Variants in NAALADL2 observed in about 807,000 individuals in gnomAD.
NAALADL2 encodes inactive N-acetylated-alpha-linked acidic dipeptidase-like protein 2.
NAALADL2 carries 76 observed loss-of-function variants against 87.2 expected under a neutral mutation model. The ratio of observed to expected loss-of-function variants is 0.87; its 90% CI spans 0.72 to 1.05. The LOEUF (loss-of-function observed/expected upper bound fraction) is 1.05, where lower values mean the gene tolerates loss of function less well. Among genes scored for constraint, NAALADL2 ranks in the 50% least tolerant of loss-of-function variants. The probability of loss-of-function intolerance (pLI) is 0.00; values close to 1 mark genes in which losing one functional copy is unlikely to be tolerated. For missense variants in NAALADL2, 1,089 were observed against 945.8 expected, an observed-to-expected ratio of 1.15 and a Z score of -1.99; for synonymous variants, 354 against 331.0, an observed-to-expected ratio of 1.07 and a Z score of -0.75.
intron 1 of NAALADL2, among the ~76,000 whole-genome samples, chr3:174,443,516 A>G (rs540012126): frequency 1.3e-5 from 2 of 152,320 alleles, no homozygotes; most frequent in African/African-American, 4.8e-5. Context: ...TAGGTGTTAG[A>G]TGGGTTTTAG....
chr3:175,384,550 A>G (rs893758629), intron 5 of NAALADL2, among the ~76,000 whole-genome samples: 6 of 152,008 alleles, frequency 3.9e-5, no homozygotes, highest in Non-Finnish European at 5.9e-5. Context: ...GTAGTCATAC[A>G]CTTTAGGCTT....
chr3:174,969,862 A>T (rs911279237), intron 1 of NAALADL2, among the ~76,000 whole-genome samples: 1 of 152,228 alleles, frequency 6.6e-6, no homozygotes, highest in African/African-American at 2.4e-5. Context: ...AGACCTAAAC[A>T]TAAAGCATTG....
chr3:175,409,489 A>G (rs1374536609), intron 5 of NAALADL2, among the ~76,000 whole-genome samples: 1 of 151,934 alleles, frequency 6.6e-6, no homozygotes. Context: ...AAAATTCTAT[A>G]TGTATGTTAA....
At chr3:174,523,385 A>G (rs1427018057) in intron 1 of NAALADL2, 1 of 152,190 alleles carries the variant, frequency 6.6e-6, no homozygotes, top group Non-Finnish European at 1.5e-5. Context: ...AAAGTTTTAT[A>G]TTCATAACTC....
intron 10 of NAALADL2, among the ~76,000 whole-genome samples, chr3:175,607,259 AAG>A (rs1346248440): frequency 1.4e-4 from 22 of 152,222 alleles, no homozygotes; most frequent in African/African-American, 5.1e-4. Flanking sequence ...TAAAGAGAAA[AAG>A]AAATTTATAA....
At chr3:174,765,367 A>G (rs1352638910) in intron 3 of NAALADL2, among the ~76,000 whole-genome samples, 2 of 152,198 alleles carry the variant, frequency 1.3e-5, no homozygotes, top group African/African-American at 4.8e-5. Context: ...ACCAGCATAG[A>G]GAGAAAATGT....
intron 9 of NAALADL2, among the ~76,000 whole-genome samples, chr3:175,565,623 C>T (rs954060601): frequency 1.3e-5 from 1 of 78,140 alleles, no homozygotes; most frequent in African/African-American, 4.4e-5. Flanking sequence ...CCTGTTTTTC[C>T]CTAATAAAGT....
At chr3:175,783,172 C>T (rs1398240268) in intron 13 of NAALADL2, among the ~76,000 whole-genome samples, 2 of 152,160 alleles carry the variant, frequency 1.3e-5, no homozygotes, top group East Asian at 3.9e-4. Flanking sequence ...TGACTTAGGA[C>T]TGACTTGGTG....
chr3:174,565,011 A>G lies in NAALADL2; in HGVS notation c.-115+14374A>G, dbSNP rs185192345. Among the ~76,000 whole-genome samples the G allele has an allele frequency of 2.0e-4, 30 of 152,056 alleles. 1 individual carries two copies. The highest frequency in any genetic ancestry group is 1.6e-3 in the Admixed American group (24 of 15,226). On this transcript the variant is annotated intron_variant, in intron 2 of 3. Coordinates refer to the NAALADL2 transcript ENST00000434257. ...TTATAGAGGGTATATGCAAATTCCA[A>G]TTTCTTCTGAATTTTCCAATTTTAC... is the stretch of plus-strand genomic sequence containing the variant.
At chr3:174,785,599 T>C (rs1716544514) in intron 3 of NAALADL2, among the ~76,000 whole-genome samples, 1 of 152,150 alleles carries the variant, frequency 6.6e-6, no homozygotes, top group Non-Finnish European at 1.5e-5. Flanking sequence ...AAATATTGCT[T>C]TGTCTATTTG....
intron 4 of NAALADL2, among the ~76,000 whole-genome samples, chr3:175,270,809 G>C (rs1398110903): frequency 6.6e-6 from 1 of 152,106 alleles, no homozygotes; most frequent in Non-Finnish European, 1.5e-5. Flanking sequence ...CTGGGCCTCT[G>C]TAAACCTCTT....
intron 2 of NAALADL2, among the ~76,000 whole-genome samples, chr3:175,115,921 C>T (rs546420542): frequency 5.9e-5 from 9 of 152,018 alleles, no homozygotes; most frequent in Admixed American, 3.3e-4. Flanking sequence ...GGATGCAAGG[C>T]TGGTTCAACA....
intron 1 of NAALADL2, among the ~76,000 whole-genome samples, chr3:174,473,170 C>T (rs1404403448): frequency 6.6e-6 from 1 of 152,152 alleles, no homozygotes; most frequent in Non-Finnish European, 1.5e-5. Context: ...ATACTTGTCT[C>T]AGTGAATGTT....
intron 1 of NAALADL2, among the ~76,000 whole-genome samples, chr3:175,046,330 T>G (rs960747559): frequency 6.6e-6 from 1 of 152,178 alleles, no homozygotes; most frequent in Non-Finnish European, 1.5e-5. Context: ...TTTGGGCAGC[T>G]ATTTTGACTA....
chr3:175,401,308 C>T (rs1159314676), intron 5 of NAALADL2, among the ~76,000 whole-genome samples: 1 of 152,028 alleles, frequency 6.6e-6, no homozygotes, highest in African/African-American at 2.4e-5. Flanking sequence ...CTGCCCTAGT[C>T]AGAGACATTT....
intron 1 of NAALADL2, among the ~76,000 whole-genome samples, chr3:174,920,634 T>C (rs1438876453): frequency 6.6e-6 from 1 of 152,222 alleles, no homozygotes; most frequent in African/African-American, 2.4e-5. Flanking sequence ...TTTGCTTTGC[T>C]ATCATTCCTA....
chr3:174,950,962 A>G (rs1740254858), intron 1 of NAALADL2, among the ~76,000 whole-genome samples: 1 of 151,992 alleles, frequency 6.6e-6, no homozygotes, highest in Non-Finnish European at 1.5e-5. Context: ...GTCTCTTTAG[A>G]TAAAGGATGG....
intron 2 of NAALADL2, among the ~76,000 whole-genome samples, chr3:174,624,965 C>T (rs13074404): frequency 2.0e-5 from 3 of 150,038 alleles, no homozygotes; most frequent in South Asian, 2.1e-4. Context: ...CTCTTGGTAG[C>T]GTTTTCATGC....
chr3:175,798,506 G>C (rs1262617226), intron 13 of NAALADL2, among the ~76,000 whole-genome samples: 3 of 151,960 alleles, frequency 2.0e-5, no homozygotes, highest in African/African-American at 2.4e-5. Context: ...ACTAAAAAAA[G>C]ATCCATTTCT....
Sources: allele counts gnomAD v4.1 joint callset (sites outside exome capture counted in the v4.1 genomes callset), GRCh38; gene constraint gnomAD v4.1.1; transcripts MANE v1.5; gene names NCBI Gene and HGNC (gene_info 2026-07-23, HGNC 2026-07-21).